LYST: variants seen among roughly 807,000 people sequenced by gnomAD.
LYST encodes lysosomal trafficking regulator.
Under a neutral mutation model 413.6 loss-of-function variants are expected in LYST, and 192 were observed. The ratio of observed to expected loss-of-function variants is 0.46; its 90% confidence interval spans 0.41 to 0.52. LYST has a LOEUF of 0.52. Among genes scored for constraint, LYST ranks in the 20% least tolerant of loss-of-function variants. The probability of loss-of-function intolerance (pLI) is 0.00; values close to 1 mark genes in which losing one functional copy is unlikely to be tolerated. For missense variants in LYST, 3,815 were observed against 4,499.9 expected (o/e 0.85, Z 4.35); for synonymous variants, 1,525 against 1,567.3 (o/e 0.97, Z 0.64).
intron 25 of LYST, 87 bp downstream of exon 25, chr1:235,755,391 A>AAGAAG (rs1666926212): frequency 9.4e-5 from 35 of 373,674 alleles, no homozygotes; most frequent in Non-Finnish European, 1.5e-4. Flanking sequence ...TCCGTCTCAA[A>AAGAAG]AGAAAAGAAA....
intron 1 of LYST, among the ~76,000 whole-genome samples, chr1:235,874,946 C>G (rs748728963): frequency 6.6e-6 from 1 of 152,236 alleles, no homozygotes; most frequent in Non-Finnish European, 1.5e-5. Context: ...CAGGCTCCTC[C>G]TCCAACCAGC....
At chr1:235,826,220 T>C (rs1347639237) in intron 3 of LYST, among the ~76,000 whole-genome samples, 3 of 152,226 alleles carry the variant, frequency 2.0e-5, no homozygotes, top group Admixed American at 6.5e-5. Flanking sequence ...TGCAAAACAG[T>C]TGGGCAGTTT....
chr1:235,793,793 CCAACAAAAA>C (rs1171212594), intron 10 of LYST, among the ~76,000 whole-genome samples, 181 bp from the exon 11 acceptor site: 2 of 151,936 alleles, frequency 1.3e-5, no homozygotes. Context: ...AATCAACCAA[CCAACAAAAA>C]CAACAAAAAC....
Position 235,809,300 on chromosome 1 carries a change from A to C in LYST, c.1518T>G (p.Tyr506Ter). ...CTCGGTGATGATGCATAAAATGAGA[A>C]TATTCACATCGTCTGTGCCTTTTTC... ...CTRKRHRRCE[Y>*]SHFMHHHRDL... Residue 506 changes from tyrosine (Y) to a stop codon, truncating the protein, a stop_gained, in exon 5 of 53, where the codon TAT (tyrosine) becomes TAG (stop). Coordinates refer to ENST00000389793, the MANE Select transcript of LYST (RefSeq NM_000081.4). LOFTEE classifies it high-confidence loss of function. The surrounding 1 kb of genome is among the most constrained non-coding windows in gnomAD (Gnocchi z 4.0). 6.2e-7 allele frequency: 1 copy of C among 1,614,140 alleles called. No homozygotes were observed. Among genetic ancestry groups the C allele is most frequent in the Non-Finnish European group, 8.5e-7 (1 of 1,179,986 alleles).
Position 235,788,707 on chromosome 1 carries a change from A to G in LYST, c.4682T>C (p.Ile1561Thr), listed in dbSNP as rs144829166. 3.1e-6 allele frequency: 5 copies of G among 1,613,670 alleles called. No individual in the cohort carries two copies. In the African/African-American group the frequency reaches 4.0e-5, roughly 13 times the overall value. The change falls in exon 13 of 53, where the codon ATC becomes ACC. Residue 1561 changes from isoleucine (I) to threonine (T), a missense_variant. Coordinates refer to ENST00000389793, the MANE Select transcript of LYST (RefSeq NM_000081.4). ...GGCTGAGGATAATCAATACCGAAAGATAAGAGTGGCATTGTGGGGATCAGC... is the reference window on the plus strand; with the variant it reads ...GGCTGAGGATAATCAATACCGAAAGGTAAGAGTGGCATTGTGGGGATCAGC... ...VWADPHNATLIFRVCMDSNDD... is the reference protein window; with the variant it reads ...VWADPHNATLTFRVCMDSNDD...
At chr1:235,787,468 G>C in intron 13 of LYST, 95 bp from the exon 14 acceptor site, 1 of 1,049,382 alleles carries the variant, frequency 9.5e-7, no homozygotes, top group East Asian at 2.5e-5. Flanking sequence ...AAATAAGTAA[G>C]ATTAAAAATC....
At chr1:235,772,924 T>C (rs1668854732) in intron 19 of LYST, among the ~76,000 whole-genome samples, 1 of 152,230 alleles carries the variant, frequency 6.6e-6, no homozygotes, top group Admixed American at 6.5e-5. Context: ...TTCAAAACTT[T>C]GCATGGGAAA....
intron 48 of LYST, among the ~76,000 whole-genome samples, chr1:235,685,237 G>C (rs1660118992): frequency 6.6e-6 from 1 of 151,976 alleles, no homozygotes; most frequent in Non-Finnish European, 1.5e-5. Flanking sequence ...CTCTATCCTG[G>C]GTGTGGGCCT....
In LYST at chr1:235,715,369, G is replaced by A. The variant is rs375187995; in HGVS notation, c.9628-12C>T. 8 of 1,613,218 alleles carry A rather than the reference G, an allele frequency of 5.0e-6. No homozygotes were observed. Among genetic ancestry groups the A allele is most frequent in the East Asian group, 2.2e-5 (1 of 44,864 alleles). On this transcript the variant is annotated splice_polypyrimidine_tract_variant and intron_variant, in intron 41 of 52. Transcript: ENST00000389793. ...TCTTCCTCCAAGTACTGAAAGAAAC[G>A]GTGAATCCAGAGAATTCATGATTGT...
At chr1:235,803,747 CAATT>C (rs1186953884) in intron 7 of LYST, among the ~76,000 whole-genome samples, 2 of 152,042 alleles carry the variant, frequency 1.3e-5, no homozygotes, top group Non-Finnish European at 2.9e-5. Flanking sequence ...TACAGTTAGT[CAATT>C]AATTCAGTAA....
At chr1:235,857,780 C>CATATATAT (rs1276928760) in intron 1 of LYST, among the ~76,000 whole-genome samples, 2 of 135,856 alleles carry the variant, frequency 1.5e-5, no homozygotes, top group African/African-American at 5.8e-5. Context: ...CACACACACA[C>CATATATAT]ACACATATAT....
Position 235,810,360 on chromosome 1 carries a change from T to C in LYST, c.458A>G (p.Tyr153Cys). 1 of 1,613,916 alleles carries C rather than the reference T, an allele frequency of 6.2e-7. No individual in the cohort carries two copies. Among genetic ancestry groups the C allele is most frequent in the Non-Finnish European group, 8.5e-7 (1 of 1,179,912 alleles). ...SRRQRKITHR[Y>C]SVRDARKTQL... The stretch of plus-strand genomic sequence containing the variant: ...TGTCTTTCTTGCATCTCTTACAGAA[T>C]AGCGATGGGTAATTTTACGCTGTCG... The change falls in exon 5 of 53, where the codon TAT (tyrosine) becomes TGT (cysteine). Residue 153 changes from tyrosine to cysteine, a missense_variant. Tyr to Cys is a radical substitution (Grantham distance 194). Around this residue, in one of 4 missense-constraint regions of LYST, gnomAD observed 1,648 missense variants for 1,810.3 expected, o/e 0.91. Transcript: ENST00000389793.
In LYST at chr1:235,810,347, A is replaced by G; in HGVS notation, c.471T>C (p.Asp157=). 1.9e-6 allele frequency: 3 copies of G among 1,614,118 alleles called. No homozygotes were observed. The highest frequency in any genetic ancestry group is 1.1e-5 in the South Asian group (1 of 91,078). ...RKITHRYSVR[D]ARKTQLSTSD... ...AGGTGGAGAGCTGTGTCTTTCTTGC[A>G]TCTCTTACAGAATAGCGATGGGTAA... The change falls in exon 5 of 53, where the codon GAT becomes GAC. Residue 157 remains aspartate (D), a synonymous_variant. Coordinates refer to ENST00000389793, the MANE Select transcript of LYST (RefSeq NM_000081.4).
intron 8 of LYST, among the ~76,000 whole-genome samples, chr1:235,802,193 CAAAAAAAAAAA>C (rs35511208): frequency 3.4e-3 from 154 of 45,086 alleles, no homozygotes; most frequent in African/African-American, 7.6e-3. Context: ...GACTCCATTT[CAAAAAAAAAAA>C]AAAAAAAAAA....
At chr1:235,738,034 T>G in intron 31 of LYST, 1 of 1,558,192 alleles carries the variant, frequency 6.4e-7, no homozygotes, top group East Asian at 2.3e-5. Flanking sequence ...ATTCACAGTC[T>G]TCTAAAGGAA....
In LYST at chr1:235,788,824, G is replaced by C. The variant is rs757030172; in HGVS notation, c.4565C>G (p.Ala1522Gly). The change falls in exon 13 of 53, where the codon GCA becomes GGA. Residue 1522 changes from alanine (A) to glycine (G), a missense_variant. Ala to Gly is a moderately conservative substitution (Grantham distance 60). Transcript: ENST00000389793. ...TCTTTCACCAGGATTTATGTACTCT[G>C]CACCTTCTGGTCTGTCGCTCTCTAT... ...DGTESDRPEG[A>G]EYINPGERLI... The C allele has an allele frequency of 1.9e-6, 3 of 1,613,394 alleles. No individual in the cohort carries two copies. In the African/African-American group the frequency reaches 4.0e-5, roughly 22 times the overall value.
chr1:235,810,312 T>G lies in LYST; in HGVS notation c.506A>C (p.Glu169Ala). The G allele has an allele frequency of 1.2e-6, 2 of 1,614,188 alleles. No homozygotes were observed. The highest frequency in any genetic ancestry group is 1.7e-6 in the Non-Finnish European group (2 of 1,180,000). The change falls in exon 5 of 53, where the codon GAA becomes GCA. Residue 169 changes from glutamate to alanine, a missense_variant. Glu to Ala is a moderately radical substitution (Grantham distance 107). Around this residue, in one of 4 missense-constraint regions of LYST, gnomAD observed 1,648 missense variants for 1,810.3 expected, o/e 0.91. Transcript: ENST00000389793. ...TATGCCTTTTTCATCTGAATTGGCT[T>G]CTGAATCTGAGGTGGAGAGCTGTGT... The part of the protein sequence containing the change: ...RKTQLSTSDS[E>A]ANSDEKGIAM...
intron 10 of LYST, among the ~76,000 whole-genome samples, chr1:235,798,500 C>G (rs1671806004): frequency 7.1e-6 from 1 of 141,024 alleles, no homozygotes; most frequent in South Asian, 2.3e-4. Flanking sequence ...AATTGCTTAA[C>G]CTGGGAGGTG....
chr1:235,808,260 T>A (rs1192303078), intron 5 of LYST, among the ~76,000 whole-genome samples, 195 bp downstream of exon 5: 1 of 152,206 alleles, frequency 6.6e-6, no homozygotes, highest in Non-Finnish European at 1.5e-5. Flanking sequence ...AGAACATTTT[T>A]TGTTGACAAA....
Sources: gnomAD v4.1 joint callset for allele counts (sites outside exome capture counted in the v4.1 genomes callset) on GRCh38, gnomAD v4.1.1 for gene constraint, gnomAD v4.1.1 regional missense constraint, Gnocchi (gnomAD v3.1) non-coding constraint, MANE v1.5 for transcripts, NCBI Gene and HGNC (gene_info 2026-07-23, HGNC 2026-07-21) for gene names.